COMMD10: variants seen among roughly 807,000 people sequenced by gnomAD.
COMMD10 encodes COMM domain-containing protein 10.
In COMMD10, 33 loss-of-function variants were observed where a neutral mutation model predicts 28.9. The observed-to-expected ratio is 1.14, with a 90% CI of 0.87 to 1.53. The LOEUF is 1.53. Ranked by LOEUF, COMMD10 falls within the 40% of genes most tolerant of loss-of-function variation. The pLI is 0.00. For synonymous variants in COMMD10, 110 were observed against 81.7 expected (o/e 1.35, Z -1.87); for missense variants, 310 against 233.4 (o/e 1.33, Z -2.14).
chr5:116,157,077 A>AT lies in COMMD10; in HGVS notation c.510+22905dup, dbSNP rs374537293. 1.9e-3 allele frequency among the ~76,000 whole-genome samples: 293 copies of AT among 152,182 alleles called. 3 individuals are homozygous for AT. Among genetic ancestry groups the AT allele is most frequent in the African/African-American group, 6.6e-3 (274 of 41,518 alleles). ...TTTTATAGGGAACACAATTTTGCCG[A>AT]TTTTTTGTTGCTACATATCAGAAGT... On this transcript the variant is annotated intron_variant, in intron 5 of 6. Transcript: ENST00000274458.
intron 5 of COMMD10, among the ~76,000 whole-genome samples, chr5:116,191,502 C>T (rs577628089): frequency 4.0e-5 from 6 of 151,788 alleles, no homozygotes; most frequent in South Asian, 2.1e-4. Flanking sequence ...AGCTGGGTGA[C>T]GCCTGTGACT....
chr5:116,209,446 A>C (rs776798217), intron 5 of COMMD10, among the ~76,000 whole-genome samples: 10 of 152,180 alleles, frequency 6.6e-5, no homozygotes, highest in Non-Finnish European at 8.8e-5. Flanking sequence ...AAAAGCTTAG[A>C]ATATTCTGTA....
chr5:116,152,633 A>G (rs1181406572), intron 5 of COMMD10, among the ~76,000 whole-genome samples: 1 of 152,124 alleles, frequency 6.6e-6, no homozygotes, highest in Non-Finnish European at 1.5e-5. Flanking sequence ...TTTTAGAATA[A>G]GAGAATAAAA....
At chr5:116,190,802 A>T (rs1417047594) in intron 5 of COMMD10, among the ~76,000 whole-genome samples, 1 of 152,234 alleles carries the variant, frequency 6.6e-6, no homozygotes, top group Non-Finnish European at 1.5e-5. Context: ...TAAGTTCTAT[A>T]AAACTTTGAG....
chr5:116,292,463 C>A lies in COMMD10; in HGVS notation c.583C>A (p.Gln195Lys). Residue 195 changes from glutamine (Q) to lysine (K), a missense_variant, in exon 7 of 7, where the codon CAA becomes AAA. Transcript: ENST00000274458. Reference protein sequence around the residue: ...FDFYNKLETIQAQLDSLT With the variant: ...FDFYNKLETIKAQLDSLT The stretch of plus-strand genomic sequence containing the variant: ...TCTTTGTAAATAGCTAGAGACTATA[C>A]AAGCACAGCTGGATTCCCTTACATG... 6.4e-7 allele frequency: 1 copy of A among 1,551,728 alleles called. No homozygotes were observed. The highest frequency in any genetic ancestry group is 8.7e-7 in the Non-Finnish European group (1 of 1,146,258).
rs1749788954 is a variant in COMMD10 at position 116,240,758 on chromosome 5, C to T, written c.511-50759C>T. Among the ~76,000 whole-genome samples the T allele has an allele frequency of 1.3e-5, 2 of 152,116 alleles. 1 individual carries two copies. The highest frequency in any genetic ancestry group is 2.9e-5 in the Non-Finnish European group (2 of 68,016). The stretch of plus-strand genomic sequence containing the variant: ...ATTACTTAGGTCAACTAGAGTAATT[C>T]AACATAAAGGTAGAATAGTTGTTAA... On this transcript the variant is annotated intron_variant, in intron 5 of 6. Coordinates refer to ENST00000274458, the MANE Select transcript of COMMD10 (RefSeq NM_016144.4).
At chr5:116,260,211 C>G (rs1750405597) in intron 5 of COMMD10, among the ~76,000 whole-genome samples, 1 of 151,738 alleles carries the variant, frequency 6.6e-6, no homozygotes, top group Non-Finnish European at 1.5e-5. Context: ...TCAATGGAGA[C>G]TTATCAACAT....
At chr5:116,274,215 G>C (rs1460079155) in intron 5 of COMMD10, among the ~76,000 whole-genome samples, 4 of 151,838 alleles carry the variant, frequency 2.6e-5, no homozygotes, top group Non-Finnish European at 5.9e-5. Context: ...GGCAAGTCTT[G>C]TGGTAAACAT....
At chr5:116,276,235 G>A (rs1750908366) in intron 5 of COMMD10, among the ~76,000 whole-genome samples, 1 of 151,526 alleles carries the variant, frequency 6.6e-6, no homozygotes, top group Admixed American at 6.6e-5. Flanking sequence ...TGTGAAGCAT[G>A]ATTGAGAAAT....
chr5:116,247,789 AAC>A lies in COMMD10; in HGVS notation c.511-43724_511-43723del, dbSNP rs201848633. Among the ~76,000 whole-genome samples, 617 of 152,166 alleles carry A rather than the reference AAC, an allele frequency of 4.1e-3. 5 individuals are homozygous for A. The highest frequency in any genetic ancestry group is 0.014 in the African/African-American group (585 of 41,544). The stretch of plus-strand genomic sequence containing the variant: ...AACACATGGATACATACAGGGGAAC[AAC>A]ACAAACTCTGGGGTCTATTGGAGGG... On this transcript the variant is annotated intron_variant, in intron 5 of 6. Coordinates refer to ENST00000274458, the MANE Select transcript of COMMD10 (RefSeq NM_016144.4).
intron 5 of COMMD10, among the ~76,000 whole-genome samples, chr5:116,187,484 G>C (rs923926690): frequency 6.6e-6 from 1 of 151,958 alleles, no homozygotes; most frequent in Non-Finnish European, 1.5e-5. Context: ...TTAGTGTAAA[G>C]ATATTGATGT....
chr5:116,292,200 TAAAAC>T (rs1330214476), intron 6 of COMMD10, among the ~76,000 whole-genome samples: 1 of 152,026 alleles, frequency 6.6e-6, no homozygotes, highest in Admixed American at 6.6e-5. Context: ...TGAAGACACT[TAAAAC>T]AACAGTATTA....
chr5:116,087,350 T>C (rs988933669), intron 1 of COMMD10, 147 bp from the exon 2 acceptor site: 2 of 591,576 alleles, frequency 3.4e-6, no homozygotes, highest in Admixed American at 3.0e-5. Flanking sequence ...GCCCTGCCTT[T>C]TTTGCTGGCT....
chr5:116,281,250 A>G (rs1751060629), intron 5 of COMMD10, among the ~76,000 whole-genome samples: 1 of 151,754 alleles, frequency 6.6e-6, no homozygotes, highest in African/African-American at 2.4e-5. Flanking sequence ...TAATGGGAAA[A>G]CAGAGGGTAT....
chr5:116,209,900 A>G (rs1580550723), intron 5 of COMMD10, among the ~76,000 whole-genome samples: 1 of 152,276 alleles, frequency 6.6e-6, no homozygotes, highest in East Asian at 1.9e-4. Context: ...GTGCAATAAT[A>G]ATACTACACA....
chr5:116,193,437 A>T (rs1232041535), intron 5 of COMMD10, among the ~76,000 whole-genome samples: 1 of 152,190 alleles, frequency 6.6e-6, no homozygotes, highest in African/African-American at 2.4e-5. Flanking sequence ...CCTAACACCT[A>T]ACACATAAGG....
chr5:116,175,948 G>T (rs1561649366), intron 5 of COMMD10, among the ~76,000 whole-genome samples: 1 of 152,200 alleles, frequency 6.6e-6, no homozygotes, highest in East Asian at 1.9e-4. Context: ...GAGATGGATG[G>T]TGGTGATGGT....
chr5:116,125,771 A>C (rs1751607484), intron 4 of COMMD10, among the ~76,000 whole-genome samples: 1 of 151,728 alleles, frequency 6.6e-6, no homozygotes, highest in South Asian at 2.1e-4. Context: ...TTTTCTCTAA[A>C]CTTCTCGCTT....
intron 5 of COMMD10, among the ~76,000 whole-genome samples, chr5:116,273,682 A>G (rs1315137117): frequency 2.0e-5 from 3 of 151,788 alleles, no homozygotes; most frequent in African/African-American, 7.3e-5. Context: ...GCAAAGACCA[A>G]TATAGCAAGC....
Sources: gnomAD v4.1 joint callset for allele counts (sites outside exome capture counted in the v4.1 genomes callset) on GRCh38, gnomAD v4.1.1 for gene constraint, MANE v1.5 for transcripts, NCBI Gene and HGNC (gene_info 2026-07-23, HGNC 2026-07-21) for gene names.